NEDD4L: variants seen among roughly 807,000 people sequenced by gnomAD.
NEDD4L encodes the protein E3 ubiquitin-protein ligase NEDD4-like.
Under a neutral mutation model 148.9 loss-of-function variants are expected in NEDD4L, and 54 were observed. The ratio of observed to expected loss-of-function variants is 0.36; its 90% CI spans 0.29 to 0.45. NEDD4L has a LOEUF of 0.45. Among genes scored for constraint, NEDD4L ranks in the 20% least tolerant of loss-of-function variants. NEDD4L has a pLI of 1.00. For missense variants in NEDD4L, 856 were observed against 1,233.8 expected (o/e 0.69, Z 4.59); for synonymous variants, 433 against 440.7 (o/e 0.98, Z 0.22).
At chr18:58,235,555 A>G (rs1188627083) in intron 2 of NEDD4L, among the ~76,000 whole-genome samples, 2 of 152,202 alleles carry the variant, frequency 1.3e-5, no homozygotes, top group Non-Finnish European at 2.9e-5. Flanking sequence ...GAATTCCCTG[A>G]GTAGTTCCTG....
intron 2 of NEDD4L, among the ~76,000 whole-genome samples, chr18:58,190,514 G>T (rs1489777875): frequency 1.3e-5 from 2 of 152,156 alleles, no homozygotes; most frequent in Admixed American, 1.3e-4. Context: ...ACATAATACA[G>T]AAATATAGAT....
chr18:58,241,243 G>C (rs2046597236), intron 2 of NEDD4L, among the ~76,000 whole-genome samples: 1 of 152,198 alleles, frequency 6.6e-6, no homozygotes, highest in Non-Finnish European at 1.5e-5. Context: ...GGCACAGAGA[G>C]GCTATGTAAG....
At chr18:58,369,451 G>A (rs1383110833) in intron 22 of NEDD4L, among the ~76,000 whole-genome samples, 1 of 46,308 alleles carries the variant, frequency 2.2e-5, no homozygotes, top group Admixed American at 1.8e-4. Context: ...CTGTCGGCAG[G>A]GCTCATTCTG....
At chr18:58,140,512 A>G (rs2033380208) in intron 1 of NEDD4L, among the ~76,000 whole-genome samples, 1 of 151,890 alleles carries the variant, frequency 6.6e-6, no homozygotes, top group Non-Finnish European at 1.5e-5. Flanking sequence ...TTTGCCCCAC[A>G]AAGGGCCACC....
intron 5 of NEDD4L, among the ~76,000 whole-genome samples, chr18:58,258,073 T>C (rs2048839035): frequency 6.6e-6 from 1 of 152,238 alleles, no homozygotes; most frequent in Non-Finnish European, 1.5e-5. Flanking sequence ...ATTTTGAAGA[T>C]ACAATCAGAT....
intron 2 of NEDD4L, among the ~76,000 whole-genome samples, chr18:58,180,843 A>G (rs577703): frequency 0.026 from 3,971 of 152,314 alleles, 176 homozygotes; most frequent in African/African-American, 0.09. Flanking sequence ...TAAGTTCATT[A>G]GAAGGCAGGT....
intron 1 of NEDD4L, among the ~76,000 whole-genome samples, chr18:58,071,317 TA>T (rs1183357197): frequency 2.0e-5 from 3 of 151,710 alleles, no homozygotes; most frequent in East Asian, 1.9e-4. Context: ...CTCTGCCTCT[TA>T]AAAAAAATAT....
chr18:58,344,712 T>C (rs2042831871), intron 16 of NEDD4L, among the ~76,000 whole-genome samples: 1 of 119,064 alleles, frequency 8.4e-6, no homozygotes, highest in African/African-American at 2.7e-5. Context: ...AATATAGTAA[T>C]GGAGTTCTTT....
At chr18:58,124,339 A>G (rs2030611106) in intron 1 of NEDD4L, among the ~76,000 whole-genome samples, 1 of 151,636 alleles carries the variant, frequency 6.6e-6, no homozygotes, top group African/African-American at 2.4e-5. Context: ...GAGAGCATTG[A>G]CTCCACTAAG....
At chr18:58,050,208 C>T (rs897534305) in intron 1 of NEDD4L, among the ~76,000 whole-genome samples, 2 of 152,008 alleles carry the variant, frequency 1.3e-5, no homozygotes, top group African/African-American at 4.8e-5. Context: ...AATCCCAGCA[C>T]GTTGGAGGCC....
At chr18:58,169,172 G>C (rs985822311) in intron 2 of NEDD4L, among the ~76,000 whole-genome samples, 1 of 152,218 alleles carries the variant, frequency 6.6e-6, no homozygotes, top group Non-Finnish European at 1.5e-5. Context: ...CCCCAGTCCA[G>C]TACTTAGGAT....
intron 2 of NEDD4L, among the ~76,000 whole-genome samples, chr18:58,239,652 T>A (rs12960902): frequency 0.18 from 27,524 of 152,186 alleles, 2,785 homozygotes; most frequent in East Asian, 0.44. Flanking sequence ...TAATGATTGG[T>A]CAGGACGACT....
chr18:58,094,292 C>T (rs1010362410), intron 1 of NEDD4L, among the ~76,000 whole-genome samples: 7 of 151,782 alleles, frequency 4.6e-5, no homozygotes, highest in Non-Finnish European at 1.0e-4. Flanking sequence ...TCATATGATC[C>T]TCTTGCCACA....
chr18:58,281,194 T>C (rs934055175), intron 5 of NEDD4L, among the ~76,000 whole-genome samples: 2 of 152,134 alleles, frequency 1.3e-5, no homozygotes. Flanking sequence ...CCCAAGCAGA[T>C]CTTGAACTCC....
Position 58,044,647 on chromosome 18 carries a change from G to C in NEDD4L, c.-14G>C. The C allele has an allele frequency of 6.3e-7, 1 of 1,597,168 alleles. No homozygotes were observed. The highest frequency in any genetic ancestry group is 1.1e-5 in the South Asian group (1 of 89,202). On this transcript the variant is annotated 5_prime_UTR_variant, in exon 1 of 31. Coordinates refer to ENST00000400345, the MANE Select transcript of NEDD4L (RefSeq NM_001144967.3). ...GCTGGGAGCGCCTCAGACCCCGCGC[G>C]GGGCGCCGGCTCCATGGCGACCGGG... is the stretch of plus-strand genomic sequence containing the variant.
chr18:58,373,570 G>C (rs1048570190), intron 24 of NEDD4L, among the ~76,000 whole-genome samples: 1 of 152,178 alleles, frequency 6.6e-6, no homozygotes. Context: ...TTAGAATTTA[G>C]GTACTTGAAA....
chr18:58,348,238 T>A (rs2043350429), intron 16 of NEDD4L, among the ~76,000 whole-genome samples: 1 of 151,720 alleles, frequency 6.6e-6, no homozygotes, highest in Non-Finnish European at 1.5e-5. Context: ...GCTCAAGCAG[T>A]CCTCCCGCCT....
intron 3 of NEDD4L, among the ~76,000 whole-genome samples, chr18:58,247,797 C>A (rs1240246376): frequency 6.6e-6 from 1 of 152,232 alleles, no homozygotes; most frequent in Admixed American, 6.5e-5. Context: ...CAGCCAGAGG[C>A]AGGCCAGGCC....
chr18:58,086,911 A>G (rs2083788914), intron 1 of NEDD4L, among the ~76,000 whole-genome samples: 2 of 152,216 alleles, frequency 1.3e-5, no homozygotes, highest in Admixed American at 6.5e-5. Flanking sequence ...GTATCCTGCC[A>G]GTAATCATTT....
Sources: gnomAD v4.1 joint callset for allele counts (sites outside exome capture counted in the v4.1 genomes callset) on GRCh38, gnomAD v4.1.1 for gene constraint, MANE v1.5 for transcripts, NCBI Gene and HGNC (gene_info 2026-07-23, HGNC 2026-07-21) for gene names.